Variants in DPP10 observed in about 807,000 individuals in gnomAD.
The protein encoded by DPP10 is dipeptidyl peptidase like 10, also known as inactive dipeptidyl peptidase 10.
A neutral mutation model predicts 120.9 loss-of-function variants in DPP10; 33 were observed. The ratio of observed to expected loss-of-function variants is 0.27; its 90% CI spans 0.21 to 0.37. DPP10 has a LOEUF of 0.37. DPP10 is among the 10% of genes least tolerant of loss of function. DPP10 has a pLI of 1.00. For synonymous variants in DPP10, 337 were observed against 326.1 expected (o/e 1.03, Z -0.36); for missense variants, 816 against 942.8 (o/e 0.87, Z 1.76).
At chr2:114,565,139 A>G (rs552749141) in intron 1 of DPP10, among the ~76,000 whole-genome samples, 7 of 152,296 alleles carry the variant, frequency 4.6e-5, no homozygotes, top group African/African-American at 1.4e-4. Context: ...TGGTTCAAGA[A>G]GGGCTAATCC....
intron 1 of DPP10, among the ~76,000 whole-genome samples, chr2:114,446,774 A>G (rs536854885): frequency 6.6e-6 from 1 of 152,284 alleles, no homozygotes; most frequent in Admixed American, 6.5e-5. Context: ...TTGATGAGTC[A>G]TTGTGCTAAT....
chr2:114,868,963 C>T (rs1276171780), intron 1 of DPP10, among the ~76,000 whole-genome samples: 1 of 151,934 alleles, frequency 6.6e-6, no homozygotes, highest in African/African-American at 2.4e-5. Context: ...GCCTACCTCA[C>T]AAGGGCAGGA....
intron 1 of DPP10, among the ~76,000 whole-genome samples, chr2:114,683,210 A>G (rs1173405324): frequency 6.6e-5 from 10 of 152,022 alleles, no homozygotes; most frequent in African/African-American, 2.4e-4. Flanking sequence ...AACTGACTCA[A>G]TGTATGGTAA....
intron 7 of DPP10, among the ~76,000 whole-genome samples, chr2:115,715,035 A>AAAG (rs1020842407): frequency 6.6e-6 from 1 of 150,486 alleles, no homozygotes; most frequent in Non-Finnish European, 1.5e-5. Flanking sequence ...TCTCAAAAAA[A>AAAG]AAAAAAAAAA....
At chr2:114,727,289 T>C (rs1327740913) in intron 1 of DPP10, among the ~76,000 whole-genome samples, 1 of 152,168 alleles carries the variant, frequency 6.6e-6, no homozygotes, top group Non-Finnish European at 1.5e-5. Context: ...GTGCTTCTGG[T>C]GACAAGGTCT....
chr2:114,629,140 A>C (rs1056658695), intron 1 of DPP10, among the ~76,000 whole-genome samples: 1 of 152,230 alleles, frequency 6.6e-6, no homozygotes, highest in East Asian at 1.9e-4. Flanking sequence ...GGTGGAAAGA[A>C]GATGGCACCA....
chr2:114,803,088 C>T (rs893495207), intron 1 of DPP10, among the ~76,000 whole-genome samples: 4 of 152,178 alleles, frequency 2.6e-5, no homozygotes, highest in Admixed American at 2.0e-4. Context: ...TCATGGTGGC[C>T]GGTCTTTCCC....
intron 1 of DPP10, among the ~76,000 whole-genome samples, chr2:115,266,782 CTAAA>C (rs1265140528): frequency 3.3e-5 from 5 of 152,038 alleles, no homozygotes; most frequent in Non-Finnish European, 5.9e-5. Context: ...TTTCAAAAGA[CTAAA>C]TAGCATGAAA....
intron 1 of DPP10, among the ~76,000 whole-genome samples, chr2:114,480,094 C>G (rs1490906886): frequency 6.6e-6 from 1 of 152,184 alleles, no homozygotes; most frequent in African/African-American, 2.4e-5. Context: ...AGCCAAAACA[C>G]AAATGAAAGA....
At chr2:115,488,702 G>T (rs1382851089) in intron 3 of DPP10, among the ~76,000 whole-genome samples, 1 of 122,770 alleles carries the variant, frequency 8.1e-6, no homozygotes. Flanking sequence ...GACACAGGAA[G>T]GGGAATATCA....
intron 11 of DPP10, among the ~76,000 whole-genome samples, chr2:115,761,229 A>G (rs747890314): frequency 1.3e-5 from 2 of 152,086 alleles, no homozygotes; most frequent in Admixed American, 6.6e-5. Context: ...ACATAATGAG[A>G]CACCATCTTA....
chr2:114,811,032 A>T (rs1362988683), intron 1 of DPP10, among the ~76,000 whole-genome samples: 1 of 152,146 alleles, frequency 6.6e-6, no homozygotes. Context: ...TCTCCTTTAG[A>T]TGCATTTTTT....
chr2:115,411,208 T>G (rs892437949), intron 3 of DPP10, among the ~76,000 whole-genome samples: 1 of 152,046 alleles, frequency 6.6e-6, no homozygotes, highest in Non-Finnish European at 1.5e-5. Context: ...GGCGCATGCC[T>G]GTAGTCTCAG....
intron 1 of DPP10, among the ~76,000 whole-genome samples, chr2:115,176,762 G>T (rs2053718931): frequency 6.6e-6 from 1 of 152,150 alleles, no homozygotes. Context: ...AACCTCTTTG[G>T]TTACATAATT....
chr2:114,622,577 G>C (rs1694183457), intron 1 of DPP10, among the ~76,000 whole-genome samples: 1 of 151,974 alleles, frequency 6.6e-6, no homozygotes, highest in East Asian at 1.9e-4. Context: ...GTGTTCTTCA[G>C]GTAGGGCTGA....
intron 1 of DPP10, among the ~76,000 whole-genome samples, chr2:115,122,605 T>C (rs1412860651): frequency 2.6e-5 from 4 of 152,256 alleles, no homozygotes; most frequent in Non-Finnish European, 5.9e-5. Flanking sequence ...CCCATTTCTT[T>C]GTTGCCACAC....
chr2:115,227,633 T>C (rs1239964948), intron 1 of DPP10, among the ~76,000 whole-genome samples: 1 of 152,148 alleles, frequency 6.6e-6, no homozygotes, highest in Admixed American at 6.6e-5. Context: ...ATAGTTTTGC[T>C]TTAGCAGATT....
chr2:114,890,809 T>A (rs1692479788), intron 1 of DPP10, among the ~76,000 whole-genome samples: 1 of 152,194 alleles, frequency 6.6e-6, no homozygotes, highest in Admixed American at 6.5e-5. Flanking sequence ...GGTAGCAGGG[T>A]ACAATATAGC....
At chr2:115,828,405 T>G (rs1431525577) in intron 21 of DPP10, among the ~76,000 whole-genome samples, 1 of 152,182 alleles carries the variant, frequency 6.6e-6, no homozygotes, top group Non-Finnish European at 1.5e-5. Context: ...ACTATCTAGG[T>G]TAAGTGTTTT....
Sources: gnomAD v4.1 joint callset for allele counts (sites outside exome capture counted in the v4.1 genomes callset) on GRCh38, gnomAD v4.1.1 for gene constraint, MANE v1.5 for transcripts, NCBI Gene and HGNC (gene_info 2026-07-23, HGNC 2026-07-21) for gene names.